Variants in FLNB observed in about 807,000 individuals in gnomAD.
The protein encoded by FLNB is filamin-B.
In FLNB, 111 loss-of-function variants were observed where a neutral mutation model predicts 250.6. The ratio of observed to expected loss-of-function variants is 0.44; its 90% CI spans 0.38 to 0.52. The LOEUF (loss-of-function observed/expected upper bound fraction) is 0.52. Ranked by LOEUF, FLNB falls within the 20% of genes least tolerant of loss-of-function variation. The probability of loss-of-function intolerance (pLI) is 0.00; values close to 1 mark genes in which losing one functional copy is unlikely to be tolerated. For missense variants in FLNB, 2,869 were observed against 3,447.8 expected (o/e 0.83, Z 4.20); for synonymous variants, 1,302 against 1,372.1 (o/e 0.95, Z 1.13).
At chr3:58,136,986 G>T (rs537143870) in intron 28 of FLNB, among the ~76,000 whole-genome samples, 5 of 152,074 alleles carry the variant, frequency 3.3e-5, no homozygotes, top group Non-Finnish European at 7.4e-5. Flanking sequence ...CTCCCAAAGT[G>T]CTGGGATTAC....
intron 34 of FLNB, 64 bp downstream of exon 34, chr3:58,147,057 T>A: frequency 6.5e-7 from 1 of 1,533,218 alleles, no homozygotes; most frequent in South Asian, 1.1e-5. Context: ...ACTGCCACCC[T>A]CCTTATCAGA....
intron 36 of FLNB, chr3:58,149,452 T>C (rs144279789): frequency 3.3e-6 from 1 of 306,118 alleles, no homozygotes; most frequent in East Asian, 8.6e-5. Flanking sequence ...TATGCTGACC[T>C]AGCTGAGGTA....
chr3:58,101,957 C>G (rs2097251887), intron 8 of FLNB, among the ~76,000 whole-genome samples: 1 of 152,184 alleles, frequency 6.6e-6, no homozygotes, highest in Non-Finnish European at 1.5e-5. Flanking sequence ...TTGCTGTGCT[C>G]TCCTGTTTTC....
intron 1 of FLNB, among the ~76,000 whole-genome samples, chr3:58,032,877 G>A (rs1395363190): frequency 6.6e-6 from 1 of 152,124 alleles, no homozygotes; most frequent in East Asian, 1.9e-4. Context: ...GGACCAGCCT[G>A]GGCAACATTG....
At chr3:58,042,180 G>A (rs1393898661) in intron 1 of FLNB, among the ~76,000 whole-genome samples, 3 of 152,158 alleles carry the variant, frequency 2.0e-5, no homozygotes, top group African/African-American at 7.2e-5. Flanking sequence ...ATGCTGGCCT[G>A]GTTTTTCTAA....
chr3:58,149,574 G>T, intron 36 of FLNB: 1 of 504,764 alleles, frequency 2.0e-6, no homozygotes, highest in East Asian at 3.8e-5. Flanking sequence ...CCAGCAGTTT[G>T]TACGGGACAC....
chr3:58,081,148 C>T (rs1310265542), intron 3 of FLNB, among the ~76,000 whole-genome samples: 1 of 151,738 alleles, frequency 6.6e-6, no homozygotes, highest in East Asian at 1.9e-4. Flanking sequence ...CTAATATTTA[C>T]ATGTTATTTC....
At chr3:58,167,380 C>T (rs536299724) in intron 43 of FLNB, among the ~76,000 whole-genome samples, 32 of 152,294 alleles carry the variant, frequency 2.1e-4, no homozygotes, top group African/African-American at 7.2e-4. Context: ...GAGAGTTGCA[C>T]GATAGCAGCT....
chr3:58,065,713 C>T (rs751813291), intron 1 of FLNB, among the ~76,000 whole-genome samples: 3 of 152,296 alleles, frequency 2.0e-5, no homozygotes, highest in Admixed American at 6.5e-5. Context: ...CTTCACCCAT[C>T]ACTCTTTTCC....
intron 22 of FLNB, 27 bp from the exon 23 acceptor site, chr3:58,125,554 T>G (rs191505761): frequency 7.4e-6 from 12 of 1,613,156 alleles, no homozygotes. Context: ...TATGCAAATA[T>G]GCGTTTCTGT....
chr3:58,148,884 C>T (rs2097340290), intron 36 of FLNB, 32 bp downstream of exon 36: 1 of 1,585,644 alleles, frequency 6.3e-7, no homozygotes, highest in Non-Finnish European at 8.6e-7. Context: ...AGGCCCAGAG[C>T]TTGTGGGAAC....
rs778755221 is a variant in FLNB at position 58,170,688 on chromosome 3, G to A, written c.7735G>A (p.Gly2579Ser). The A allele has an allele frequency of 1.9e-6, 3 of 1,614,174 alleles. No individual in the cohort carries two copies. Among genetic ancestry groups the A allele is most frequent in the East Asian group, 4.5e-5 (2 of 44,882 alleles). The change falls in exon 46 of 46, where the codon GGC becomes AGC. Residue 2579 changes from glycine (G) to serine (S), a missense_variant. Physicochemically the swap from Gly to Ser is moderately conservative, Grantham distance 56. Transcript: ENST00000295956. ...YNVTYVVKERGDYVLAVKWGE... is the reference protein window; with the variant it reads ...YNVTYVVKERSDYVLAVKWGE... The stretch of plus-strand genomic sequence containing the variant: ...CGTCACATACGTCGTCAAGGAGAGG[G>A]GCGATTATGTGCTGGCTGTGAAGTG...
chr3:58,045,215 A>G (rs546891521), intron 1 of FLNB, among the ~76,000 whole-genome samples: 14 of 152,222 alleles, frequency 9.2e-5, no homozygotes, highest in Non-Finnish European at 1.5e-4. Context: ...TTACTTGCAT[A>G]AATGGAATCC....
intron 1 of FLNB, among the ~76,000 whole-genome samples, chr3:58,029,506 CT>C (rs548364805): frequency 3.9e-3 from 526 of 136,230 alleles, no homozygotes; most frequent in Admixed American, 3.4e-3. Flanking sequence ...AATGAGAATT[CT>C]TTTTTTTTTT....
intron 1 of FLNB, among the ~76,000 whole-genome samples, chr3:58,054,675 C>T (rs2097167584): frequency 6.6e-6 from 1 of 152,118 alleles, no homozygotes; most frequent in African/African-American, 2.4e-5. Flanking sequence ...ATTCAATTAC[C>T]TCCCACCAGG....
intron 29 of FLNB, among the ~76,000 whole-genome samples, chr3:58,140,549 G>A (rs1348569062): frequency 2.0e-5 from 3 of 152,150 alleles, no homozygotes; most frequent in African/African-American, 4.8e-5. Flanking sequence ...TTCTTATGGC[G>A]GAAGAGGGTG....
At chr3:58,038,529 T>C (rs2097141392) in intron 1 of FLNB, among the ~76,000 whole-genome samples, 1 of 151,184 alleles carries the variant, frequency 6.6e-6, no homozygotes, top group African/African-American at 2.4e-5. Flanking sequence ...GCTCAAGCAA[T>C]CCTTCCGCCT....
At position 58,148,374 on chromosome 3, in the gene FLNB, G is replaced by A. The variant is rs1333485819; in HGVS notation, c.5887+10G>A. 1 of 1,612,302 alleles carries A rather than the reference G, an allele frequency of 6.2e-7. No individual in the cohort carries two copies. Among genetic ancestry groups the A allele is most frequent in the African/African-American group, 1.3e-5 (1 of 74,902 alleles). ...CCCAACAACCACATTGGTGAGCTAG[G>A]CTACCCTTCCTGGCTGGAGCCAGGA... is the stretch of plus-strand genomic sequence containing the variant. On this transcript the variant is annotated intron_variant, in intron 35 of 45. Transcript: ENST00000295956.
At chr3:58,042,268 T>C (rs2097147071) in intron 1 of FLNB, among the ~76,000 whole-genome samples, 1 of 152,184 alleles carries the variant, frequency 6.6e-6, no homozygotes, top group South Asian at 2.1e-4. Context: ...TAGATTTGCA[T>C]TAGCTCTGTT....
Sources: allele counts gnomAD v4.1 joint callset (sites outside exome capture counted in the v4.1 genomes callset), GRCh38; gene constraint gnomAD v4.1.1; transcripts MANE v1.5; gene names NCBI Gene and HGNC (gene_info 2026-07-23, HGNC 2026-07-21).